The following TENT4A variants were observed in gnomAD, a reference collection of about 807,000 sequenced individuals.
TENT4A encodes DNA polymerase kappa.
A neutral mutation model predicts 72.8 loss-of-function variants in TENT4A; 7 were observed. That is an observed-to-expected ratio of 0.10 (90% CI 0.05 to 0.18). The LOEUF is 0.18. Ranked by LOEUF, TENT4A falls within the 10% of genes least tolerant of loss-of-function variation. TENT4A has a pLI of 1.00. For missense variants in TENT4A, 831 were observed against 1,017.7 expected, an observed-to-expected ratio of 0.82 and a Z score of 2.50; for synonymous variants, 456 against 434.3, an observed-to-expected ratio of 1.05 and a Z score of -0.62.
intron 10 of TENT4A, 179 bp downstream of exon 10, chr5:6,750,682 C>G: frequency 1.7e-6 from 1 of 589,402 alleles, no homozygotes; most frequent in East Asian, 3.0e-5. Flanking sequence ...TTTCCCCTGC[C>G]GTGAACCTTC....
chr5:6,727,052 C>T (rs1407674280), intron 1 of TENT4A, among the ~76,000 whole-genome samples: 3 of 152,132 alleles, frequency 2.0e-5, no homozygotes, highest in Admixed American at 1.3e-4. Context: ...TGCTTCTTCG[C>T]TCTTGTTCCA....
chr5:6,754,811 T>C lies in TENT4A; in HGVS notation c.2245T>C (p.Tyr749His), dbSNP rs770191383. The change falls in exon 13 of 13, where the codon TAC becomes CAC. Residue 749 changes from tyrosine to histidine, a missense_variant. By Grantham distance (83) the Tyr-to-His change is moderately conservative. Transcript: ENST00000230859. ...GSHGHTQGGG[Y>H]SSVGSGGVRP... ...TCACGGCCACACCCAAGGCGGCGGC[T>C]ACAGCTCTGTGGGTAGCGGAGGTGT... 4 of 1,604,972 alleles carry C rather than the reference T, an allele frequency of 2.5e-6. No homozygotes were observed. The East Asian group carries it at 9.0e-5, about 36-fold the overall frequency.
rs979587351 is a variant in TENT4A, at chr5:6,714,062, T to G, written c.79T>G (p.Ser27Ala). Residue 27 changes from serine (S) to alanine (A), a missense_variant, in exon 1 of 13, where the codon TCG (serine) becomes GCG (alanine). Physicochemically the swap from Ser to Ala is moderately conservative, Grantham distance 99. Transcript: ENST00000230859. ...CCTGTGGATGCAGATCTGGGAGACC[T>G]CGCAGGGCGTGGGCCGCGGCGGCTC... ...NALWMQIWETSQGVGRGGSGF... is the reference protein window; with the variant it reads ...NALWMQIWETAQGVGRGGSGF... 30 of 994,994 alleles carry G rather than the reference T, an allele frequency of 3.0e-5. No individual in the cohort carries two copies. The African/African-American group carries it at 5.1e-4, about 17-fold the overall frequency. 61.6% of individuals were successfully genotyped at this position (994,994 alleles called of 1,614,324 possible). A position where few individuals can be genotyped will look rare whatever the true frequency, so the allele number is the denominator to read the frequency against.
At chr5:6,724,042 G>T (rs1262289954) in intron 1 of TENT4A, among the ~76,000 whole-genome samples, 1 of 152,240 alleles carries the variant, frequency 6.6e-6, no homozygotes, top group Non-Finnish European at 1.5e-5. Flanking sequence ...CTGCTGCACT[G>T]GGGGCTTGAC....
intron 1 of TENT4A, among the ~76,000 whole-genome samples, chr5:6,736,501 G>A (rs1741507513): frequency 6.6e-6 from 1 of 152,240 alleles, no homozygotes; most frequent in African/African-American, 2.4e-5. Flanking sequence ...TCATAGAATG[G>A]AAGCAGGTGA....
chr5:6,718,831 C>T (rs1403112056), intron 1 of TENT4A, among the ~76,000 whole-genome samples: 1 of 152,138 alleles, frequency 6.6e-6, no homozygotes, highest in Admixed American at 6.5e-5. Flanking sequence ...TGTCTGGTCA[C>T]TGATAGATGA....
Position 6,740,685 on chromosome 5 carries a change from C to G in TENT4A, c.1008+833C>G, listed in dbSNP as rs965012354. Among the ~76,000 whole-genome samples the G allele has an allele frequency of 2.6e-5, 4 of 152,176 alleles. 1 individual carries two copies. The highest frequency in any genetic ancestry group is 1.3e-4 in the Admixed American group (2 of 15,292). On this transcript the variant is annotated intron_variant, in intron 4 of 12. Transcript: ENST00000230859. ...AAAAGTGCACATGTACCAGGTGCAC[C>G]TCTTGGTGAGAGTTAACGAAGTGCA... is the stretch of plus-strand genomic sequence containing the variant.
chr5:6,752,343 CG>C (rs1173695982), intron 11 of TENT4A, among the ~76,000 whole-genome samples: 1 of 152,228 alleles, frequency 6.6e-6, no homozygotes, highest in Non-Finnish European at 1.5e-5. Context: ...GGTAAATGCA[CG>C]GGATGCCAAG....
chr5:6,748,392 T>C lies in TENT4A; in HGVS notation c.1460-72T>C. 4 of 1,585,374 alleles carry C rather than the reference T, an allele frequency of 2.5e-6. No homozygotes were observed. In the South Asian group the frequency reaches 4.5e-5, roughly 18 times the overall value. ...TGAGGGCCTGCTTCAGAGTCACTTGTATGAGAAGATCCAAAACATGTGGAC... is the reference window on the plus strand; with the variant it reads ...TGAGGGCCTGCTTCAGAGTCACTTGCATGAGAAGATCCAAAACATGTGGAC... On this transcript the variant is annotated intron_variant, in intron 7 of 12. Transcript: ENST00000230859.
chr5:6,729,132 C>G (rs577375089), intron 1 of TENT4A, among the ~76,000 whole-genome samples: 1 of 152,296 alleles, frequency 6.6e-6, no homozygotes, highest in East Asian at 1.9e-4. Context: ...GTGTTGGGTT[C>G]CTTCCTGAGT....
chr5:6,716,339 T>G (rs994413365), intron 1 of TENT4A, among the ~76,000 whole-genome samples: 2 of 152,164 alleles, frequency 1.3e-5, no homozygotes, highest in Non-Finnish European at 2.9e-5. Context: ...GCCCCCTGCC[T>G]AGAGCACAAG....
intron 7 of TENT4A, among the ~76,000 whole-genome samples, chr5:6,747,980 G>A (rs1214024479): frequency 3.3e-5 from 5 of 152,194 alleles, no homozygotes; most frequent in East Asian, 1.9e-4. Flanking sequence ...TTCCATTAGC[G>A]TTGACTGAGT....
At chr5:6,749,831 A>G (rs753593983) in intron 9 of TENT4A, among the ~76,000 whole-genome samples, 174 bp downstream of exon 9, 3 of 152,250 alleles carry the variant, frequency 2.0e-5, no homozygotes, top group Admixed American at 6.5e-5. Context: ...TAGAAGCAAT[A>G]TAATGCATGC....
chr5:6,754,894 G>GA lies in TENT4A; in HGVS notation c.2334dup (p.His779ThrfsTer80). 6.2e-7 allele frequency: 1 copy of GA among 1,605,544 alleles called. No individual in the cohort carries two copies. The highest frequency in any genetic ancestry group is 8.5e-7 in the Non-Finnish European group (1 of 1,173,852). Reference sequence around the variant, plus strand: ...AGTATAACCGCACCGGCTGGAGGAGGAAAAAACACACACACACACGGGACA... The same window carrying GA: ...AGTATAACCGCACCGGCTGGAGGAGGAAAAAAACACACACACACACGGGACA... On this transcript the variant is annotated frameshift_variant, in exon 13 of 13. Coordinates refer to ENST00000230859, the MANE Select transcript of TENT4A (RefSeq NM_006999.6). LOFTEE classifies it high-confidence loss of function.
chr5:6,719,133 T>C (rs1740526505), intron 1 of TENT4A, among the ~76,000 whole-genome samples: 1 of 152,228 alleles, frequency 6.6e-6, no homozygotes, highest in Non-Finnish European at 1.5e-5. Flanking sequence ...AAAGTAATTT[T>C]AAGTAAATAT....
rs573654063 is a variant in TENT4A at position 6,755,451 on chromosome 5, C to T, written c.*506C>T. ...TGAAAACTTATGATTTGTGCAATAACTCAGATATTTTTTATTTAATTTCCT... is the reference window on the plus strand; with the variant it reads ...TGAAAACTTATGATTTGTGCAATAATTCAGATATTTTTTATTTAATTTCCT... On this transcript the variant is annotated 3_prime_UTR_variant, in exon 13 of 13. Coordinates refer to ENST00000230859, the MANE Select transcript of TENT4A (RefSeq NM_006999.6). The T allele has an allele frequency of 3.9e-5, 6 of 152,740 alleles. No individual in the cohort carries two copies. Among genetic ancestry groups the T allele is most frequent in the African/African-American group, 7.2e-5 (3 of 41,440 alleles). The allele number at this position is 152,740 out of a possible 1,614,324, so 9.5% of individuals were successfully genotyped here.
At chr5:6,739,247 A>G (rs1028168176) in intron 3 of TENT4A, among the ~76,000 whole-genome samples, 4 of 152,216 alleles carry the variant, frequency 2.6e-5, no homozygotes, top group African/African-American at 9.7e-5. Flanking sequence ...CTTACCTTCT[A>G]TTAACCCACT....
chr5:6,714,055 G>C lies in TENT4A; in HGVS notation c.72G>C (p.Trp24Cys). The C allele has an allele frequency of 1.0e-6, 1 of 996,290 alleles. No homozygotes were observed. Among genetic ancestry groups the C allele is most frequent in the Non-Finnish European group, 1.2e-6 (1 of 837,642 alleles). 61.7% of individuals were successfully genotyped at this position (996,290 alleles called of 1,614,324 possible). Reference protein sequence around the residue: ...GPANALWMQIWETSQGVGRGG... With the variant: ...GPANALWMQICETSQGVGRGG... The stretch of plus-strand genomic sequence containing the variant: ...CCAATGCCCTGTGGATGCAGATCTG[G>C]GAGACCTCGCAGGGCGTGGGCCGCG... Residue 24 changes from tryptophan to cysteine, a missense_variant, in exon 1 of 13, where the codon TGG (tryptophan) becomes TGC (cysteine). Around this residue, in one of 3 missense-constraint regions of TENT4A, gnomAD observed 302 missense variants for 293.8 expected, o/e 1.03. Transcript: ENST00000230859.
At position 6,751,060 on chromosome 5, in the gene TENT4A, A is replaced by C. The variant is rs757353325; in HGVS notation, c.1882A>C (p.Thr628Pro). ...SDVDSDTPPC[T>P]TPSVYQFSLQ... is the part of the protein sequence containing the mutation. ...CAAGGATTCAGACACACCGCCCTGC[A>C]CAACGCCCAGTGTTTACCAGTTCAG... is the stretch of plus-strand genomic sequence containing the variant. The change falls in exon 11 of 13, where the codon ACA (threonine) becomes CCA (proline). Residue 628 changes from threonine to proline, a missense_variant. Thr to Pro is a conservative substitution (Grantham distance 38, BLOSUM62 -1). Transcript: ENST00000230859. 3.7e-6 allele frequency: 6 copies of C among 1,614,088 alleles called. No homozygotes were observed. The Admixed American group carries it at 1.0e-4, about 27-fold the overall frequency.
Sources: gnomAD v4.1 joint callset for allele counts (sites outside exome capture counted in the v4.1 genomes callset) on GRCh38, gnomAD v4.1.1 for gene constraint, gnomAD v4.1.1 regional missense constraint, MANE v1.5 for transcripts, NCBI Gene and HGNC (gene_info 2026-07-23, HGNC 2026-07-21) for gene names.